LRMDA: variants seen among roughly 807,000 people sequenced by gnomAD.
LRMDA encodes leucine-rich melanocyte differentiation-associated protein.
In LRMDA, 18 loss-of-function variants were observed where a neutral mutation model predicts 29.8. The observed-to-expected ratio is 0.60, with a 90% CI of 0.42 to 0.90. The LOEUF (loss-of-function observed/expected upper bound fraction) is 0.90, where lower values mean the gene tolerates loss of function less well. LRMDA is among the 40% of genes least tolerant of loss of function. The probability of loss-of-function intolerance (pLI) is 0.00; values close to 1 mark genes in which losing one functional copy is unlikely to be tolerated. For synonymous variants in LRMDA, 125 were observed against 109.4 expected (o/e 1.14, Z -0.89); for missense variants, 273 against 273.9 (o/e 1.00, Z 0.02).
At chr10:76,276,626 A>T (rs1360737721) in intron 5 of LRMDA, among the ~76,000 whole-genome samples, 1 of 152,156 alleles carries the variant, frequency 6.6e-6, no homozygotes, top group Non-Finnish European at 1.5e-5. Context: ...TAATTCCAAC[A>T]TCTGAGCCAT....
At chr10:75,825,413 G>C (rs149599597) in intron 2 of LRMDA, among the ~76,000 whole-genome samples, 2 of 152,136 alleles carry the variant, frequency 1.3e-5, no homozygotes, top group Non-Finnish European at 2.9e-5. Flanking sequence ...ATAGTAAACA[G>C]GGCTTCACAC....
chr10:75,789,173 G>GT (rs888388017), intron 2 of LRMDA, among the ~76,000 whole-genome samples: 5 of 152,218 alleles, frequency 3.3e-5, no homozygotes, highest in Admixed American at 3.3e-4. Flanking sequence ...CTTAACCTCT[G>GT]TAAGTGTCAA....
chr10:75,605,015 T>C (rs1317531806), intron 2 of LRMDA, among the ~76,000 whole-genome samples: 4 of 152,228 alleles, frequency 2.6e-5, no homozygotes. Flanking sequence ...TTTGTCTCTA[T>C]ATTTTTTATT....
At chr10:75,506,688 C>T (rs1487393704) in intron 2 of LRMDA, among the ~76,000 whole-genome samples, 8 of 152,172 alleles carry the variant, frequency 5.3e-5, no homozygotes, top group South Asian at 2.1e-4. Flanking sequence ...TAGAGTTCAG[C>T]GCCATGTTGG....
At chr10:76,146,539 G>C (rs565641678) in intron 5 of LRMDA, among the ~76,000 whole-genome samples, 1 of 151,900 alleles carries the variant, frequency 6.6e-6, no homozygotes, top group East Asian at 1.9e-4. Flanking sequence ...TTTTCCATTT[G>C]CTTGGTAGAT....
intron 2 of LRMDA, among the ~76,000 whole-genome samples, chr10:75,958,923 C>G (rs1000395739): frequency 6.6e-6 from 1 of 152,066 alleles, no homozygotes; most frequent in Non-Finnish European, 1.5e-5. Flanking sequence ...AGGGGTTTCC[C>G]CATATACAAC....
chr10:75,941,716 G>A (rs1336813455), intron 2 of LRMDA, among the ~76,000 whole-genome samples: 6 of 152,134 alleles, frequency 3.9e-5, no homozygotes, highest in Non-Finnish European at 5.9e-5. Flanking sequence ...AGCCCCCAAA[G>A]CAGCCATGCA....
At chr10:75,947,252 T>G (rs1323347391) in intron 2 of LRMDA, among the ~76,000 whole-genome samples, 2 of 152,176 alleles carry the variant, frequency 1.3e-5, no homozygotes, top group Admixed American at 1.3e-4. Context: ...TTTTGTGCGG[T>G]TCAACCTAAT....
At chr10:76,532,024 T>C (rs960616395) in intron 6 of LRMDA, among the ~76,000 whole-genome samples, 2 of 152,126 alleles carry the variant, frequency 1.3e-5, no homozygotes, top group African/African-American at 4.8e-5. Flanking sequence ...AAAAGATACA[T>C]TACACCTCCT....
intron 5 of LRMDA, among the ~76,000 whole-genome samples, chr10:76,233,713 C>G (rs1046002521): frequency 1.3e-5 from 2 of 152,146 alleles, no homozygotes; most frequent in African/African-American, 4.8e-5. Context: ...TCAAAACAAA[C>G]AAACAAACAA....
At chr10:76,506,516 T>G (rs1173024067) in intron 6 of LRMDA, among the ~76,000 whole-genome samples, 3 of 152,124 alleles carry the variant, frequency 2.0e-5, no homozygotes, top group Admixed American at 2.0e-4. Flanking sequence ...TCATACATTT[T>G]TTCACCAAAA....
chr10:76,127,215 T>A (rs1001417420), intron 5 of LRMDA, among the ~76,000 whole-genome samples: 7 of 152,236 alleles, frequency 4.6e-5, no homozygotes, highest in Non-Finnish European at 7.3e-5. Context: ...TTAATAAGTA[T>A]GTTGTCTCAT....
At chr10:75,690,594 C>T (rs1227217409) in intron 2 of LRMDA, among the ~76,000 whole-genome samples, 2 of 152,032 alleles carry the variant, frequency 1.3e-5, no homozygotes, top group Non-Finnish European at 2.9e-5. Context: ...GGATTACATG[C>T]GTGAGCCACT....
At chr10:76,313,909 T>C (rs542780864) in intron 5 of LRMDA, among the ~76,000 whole-genome samples, 19 of 152,220 alleles carry the variant, frequency 1.2e-4, no homozygotes, top group African/African-American at 4.1e-4. Flanking sequence ...CACTTGATAT[T>C]CCTTTATCTT....
intron 2 of LRMDA, among the ~76,000 whole-genome samples, chr10:75,856,757 C>T (rs887592480): frequency 2.6e-5 from 4 of 152,142 alleles, no homozygotes; most frequent in Non-Finnish European, 4.4e-5. Flanking sequence ...AAGCATTCCC[C>T]TTGAAAACTG....
chr10:76,188,647 T>C (rs1312219851), intron 5 of LRMDA, among the ~76,000 whole-genome samples: 1 of 144 alleles, frequency 6.9e-3, no homozygotes, highest in Admixed American at 0.045. Flanking sequence ...GGTTTAGCAC[T>C]CACGTTCTGG....
At chr10:76,534,769 CAA>C (rs2132377370) in intron 6 of LRMDA, among the ~76,000 whole-genome samples, 1 of 152,202 alleles carries the variant, frequency 6.6e-6, no homozygotes, top group South Asian at 2.1e-4. Flanking sequence ...GGTATATTGA[CAA>C]AGATTATTAT....
intron 5 of LRMDA, among the ~76,000 whole-genome samples, chr10:76,224,778 G>C (rs1260006368): frequency 6.8e-6 from 1 of 146,324 alleles, no homozygotes; most frequent in Non-Finnish European, 1.5e-5. Context: ...ATATAGGTAT[G>C]ATCTAGGAAG....
intron 2 of LRMDA, among the ~76,000 whole-genome samples, chr10:75,527,397 G>A (rs894087063): frequency 1.3e-5 from 2 of 152,068 alleles, no homozygotes; most frequent in African/African-American, 4.8e-5. Flanking sequence ...TTTTTTGGAT[G>A]TATGCCTAGG....
Sources: gnomAD v4.1 joint callset for allele counts (sites outside exome capture counted in the v4.1 genomes callset) on GRCh38, gnomAD v4.1.1 for gene constraint, MANE v1.5 for transcripts, NCBI Gene and HGNC (gene_info 2026-07-23, HGNC 2026-07-21) for gene names.